Variants in DCC observed in about 807,000 individuals in gnomAD.
The protein encoded by DCC is netrin receptor DCC.
DCC carries 58 observed loss-of-function variants against 172.5 expected under a neutral mutation model. That is an observed-to-expected ratio of 0.34 (90% confidence interval 0.27 to 0.42). The LOEUF is 0.42. Among genes scored for constraint, DCC ranks in the 10% least tolerant of loss-of-function variants. The pLI, the probability that DCC is intolerant of heterozygous loss-of-function variation, is 1.00. For synonymous variants in DCC, 709 were observed against 644.5 expected (o/e 1.10, Z -1.52); for missense variants, 1,740 against 1,791.0 (o/e 0.97, Z 0.51).
intron 1 of DCC, among the ~76,000 whole-genome samples, chr18:52,341,891 C>T (rs1484032630): frequency 6.6e-6 from 1 of 151,110 alleles, no homozygotes; most frequent in Non-Finnish European, 1.5e-5. Flanking sequence ...TCAGAGAGCC[C>T]TTCGGAAACG....
chr18:52,723,427 C>A (rs1599048860), intron 1 of DCC, among the ~76,000 whole-genome samples: 1 of 152,096 alleles, frequency 6.6e-6, no homozygotes, highest in East Asian at 1.9e-4. Context: ...AGTGAGGAGC[C>A]AGAACACCAA....
intron 1 of DCC, among the ~76,000 whole-genome samples, chr18:52,637,590 C>T (rs748311443): frequency 9.2e-5 from 14 of 152,072 alleles, no homozygotes; most frequent in Non-Finnish European, 2.1e-4. Flanking sequence ...ACACGATCTT[C>T]GAATTAGCCC....
chr18:53,132,111 G>A (rs1598834009), intron 7 of DCC, among the ~76,000 whole-genome samples: 2 of 151,878 alleles, frequency 1.3e-5, no homozygotes, highest in Non-Finnish European at 1.5e-5. Flanking sequence ...TATACTTATA[G>A]AATCATCTTT....
At chr18:52,516,026 G>A (rs2031629808) in intron 1 of DCC, among the ~76,000 whole-genome samples, 3 of 151,248 alleles carry the variant, frequency 2.0e-5, no homozygotes, top group African/African-American at 7.3e-5. Flanking sequence ...AGTCATTGGG[G>A]AAATATGAAT....
chr18:52,666,212 T>C (rs2035457112), intron 1 of DCC, among the ~76,000 whole-genome samples: 3 of 152,076 alleles, frequency 2.0e-5, no homozygotes, highest in Admixed American at 2.0e-4. Flanking sequence ...GCGAGTTGCT[T>C]GAACCCAGGA....
At chr18:52,688,126 CT>C (rs35412820) in intron 1 of DCC, among the ~76,000 whole-genome samples, 64,218 of 144,036 alleles carry the variant, frequency 0.45, 14,005 homozygotes, top group Non-Finnish European at 0.51. Context: ...CAGGGATCTT[CT>C]TTTTTTTTTT....
intron 1 of DCC, among the ~76,000 whole-genome samples, chr18:52,708,428 C>T (rs984352289): frequency 1.6e-4 from 20 of 122,044 alleles, no homozygotes; most frequent in East Asian, 2.3e-4. Flanking sequence ...GGCAATAGAG[C>T]GAGACTCTGT....
chr18:53,077,985 T>C (rs979113690), intron 7 of DCC, among the ~76,000 whole-genome samples: 1 of 152,202 alleles, frequency 6.6e-6, no homozygotes, highest in Non-Finnish European at 1.5e-5. Context: ...GAGGTGAATA[T>C]CACATAATTG....
At chr18:53,215,395 C>A (rs2055830327) in intron 11 of DCC, among the ~76,000 whole-genome samples, 153 bp from the exon 12 acceptor site, 1 of 152,054 alleles carries the variant, frequency 6.6e-6, no homozygotes. Flanking sequence ...TTTTTCATCT[C>A]TCCAAAAATT....
At chr18:52,659,047 G>C (rs17749072) in intron 1 of DCC, among the ~76,000 whole-genome samples, 1 of 151,982 alleles carries the variant, frequency 6.6e-6, no homozygotes, top group African/African-American at 2.4e-5. Flanking sequence ...TGTTGTTCTA[G>C]CCTGTGGCAA....
intron 15 of DCC, among the ~76,000 whole-genome samples, chr18:53,353,917 C>T (rs2057844031): frequency 1.3e-5 from 2 of 152,106 alleles, no homozygotes; most frequent in South Asian, 4.1e-4. Flanking sequence ...TATCCCTCCC[C>T]CGACCTCACG....
At chr18:53,461,435 A>T (rs1321770925) in intron 24 of DCC, among the ~76,000 whole-genome samples, 1 of 152,052 alleles carries the variant, frequency 6.6e-6, no homozygotes, top group Non-Finnish European at 1.5e-5. Context: ...TAAGTCCTTA[A>T]TCCACCTTGA....
At chr18:53,325,109 C>T (rs1362755588) in intron 14 of DCC, among the ~76,000 whole-genome samples, 1 of 143,708 alleles carries the variant, frequency 7.0e-6, no homozygotes, top group Non-Finnish European at 1.5e-5. Context: ...AGGAGAATTG[C>T]TTGAACCCGG....
chr18:52,446,554 A>G (rs1480542061), intron 1 of DCC, among the ~76,000 whole-genome samples: 1 of 152,230 alleles, frequency 6.6e-6, no homozygotes, highest in Non-Finnish European at 1.5e-5. Context: ...TCTTTAGCAG[A>G]TAATCCTAAA....
At chr18:53,344,644 C>T (rs1009920602) in intron 15 of DCC, among the ~76,000 whole-genome samples, 3 of 151,258 alleles carry the variant, frequency 2.0e-5, no homozygotes, top group Admixed American at 6.6e-5. Context: ...GTTGCACAAT[C>T]TTGTCCATGC....
intron 1 of DCC, among the ~76,000 whole-genome samples, chr18:52,590,741 T>A (rs1457025838): frequency 6.6e-6 from 1 of 152,256 alleles, no homozygotes; most frequent in Non-Finnish European, 1.5e-5. Flanking sequence ...TAACACTGAT[T>A]TCTGTGCTTA....
intron 13 of DCC, 26 bp downstream of exon 13, chr18:53,305,745 G>C: frequency 6.2e-7 from 1 of 1,611,178 alleles, no homozygotes. Context: ...GTGTAGTCTT[G>C]CAAGGTTTTG....
intron 1 of DCC, among the ~76,000 whole-genome samples, chr18:52,610,382 C>CAAAAAAAAAAAAAAAA (rs55715009): frequency 2.0e-5 from 1 of 49,964 alleles, no homozygotes; most frequent in Non-Finnish European, 3.0e-5. Flanking sequence ...TCTGTCTCAA[C>CAAAAAAAAAAAAAAAA]AAAAAAAAAA....
At chr18:53,327,510 GA>G (rs2057479634) in intron 14 of DCC, among the ~76,000 whole-genome samples, 1 of 150,342 alleles carries the variant, frequency 6.7e-6, no homozygotes, top group Non-Finnish European at 1.5e-5. Context: ...ATAATCATGT[GA>G]TTTAAAATCG....
Sources: gnomAD v4.1 joint callset for allele counts (sites outside exome capture counted in the v4.1 genomes callset) on GRCh38, gnomAD v4.1.1 for gene constraint, MANE v1.5 for transcripts, NCBI Gene and HGNC (gene_info 2026-07-23, HGNC 2026-07-21) for gene names.